The following LRRC37A2 variants were observed in gnomAD, a reference collection of about 807,000 sequenced individuals.
LRRC37A2 encodes leucine rich repeat containing 37 member A2.
A neutral mutation model predicts 68.8 loss-of-function variants in LRRC37A2; 9 were observed. The ratio of observed to expected loss-of-function variants is 0.13; its 90% confidence interval spans 0.08 to 0.23. The LOEUF (loss-of-function observed/expected upper bound fraction) is 0.23, where lower values mean the gene tolerates loss of function less well. Among genes scored for constraint, LRRC37A2 ranks in the 10% least tolerant of loss-of-function variants. The pLI is 1.00. For synonymous variants in LRRC37A2, 63 were observed against 367.6 expected (o/e 0.17, Z 9.48); for missense variants, 168 against 950.4 (o/e 0.18, Z 10.82).
chr17:47,003,018 G>A, the LRRC37A2 span, among the ~76,000 whole-genome samples: 1 of 152,008 alleles, frequency 6.6e-6, no homozygotes. Flanking sequence ...AAGGCAAGTG[G>A]ATCACTTGAG....
chr17:46,622,602 A>T, the LRRC37A2 span, among the ~76,000 whole-genome samples: 1 of 146,064 alleles, frequency 6.8e-6, no homozygotes, highest in African/African-American at 2.6e-5. Context: ...GGGCAACGTG[A>T]TGAAACCCCC....
the LRRC37A2 span, among the ~76,000 whole-genome samples, chr17:46,925,477 A>C: frequency 6.6e-6 from 1 of 152,342 alleles, no homozygotes; most frequent in African/African-American, 2.4e-5. Context: ...CCAGTGCTGA[A>C]CCAGGAGTGG....
the LRRC37A2 span, among the ~76,000 whole-genome samples, chr17:46,866,213 T>C: frequency 6.6e-6 from 1 of 151,996 alleles, no homozygotes; most frequent in Admixed American, 6.6e-5. Flanking sequence ...GAGTTGGTGT[T>C]GAGCAGCCAC....
chr17:46,622,788 A>G, the LRRC37A2 span, among the ~76,000 whole-genome samples: 1 of 150,368 alleles, frequency 6.7e-6, no homozygotes, highest in Admixed American at 6.6e-5. Flanking sequence ...AAAACAACAC[A>G]TAAATAAGAA....
the LRRC37A2 span, chr17:46,941,008 G>T: frequency 4.4e-6 from 5 of 1,125,562 alleles, no homozygotes; most frequent in Non-Finnish European, 5.5e-6. Context: ...ACCCTCTAGT[G>T]GAGGCGGGGG....
chr17:46,900,192 T>TATATACATATATATATATATACATAC, the LRRC37A2 span, among the ~76,000 whole-genome samples: 1 of 97,484 alleles, frequency 1.0e-5, no homozygotes, highest in African/African-American at 5.2e-5. Flanking sequence ...TATATATATA[T>TATATACATATATATATATATACATAC]ATATATATAT....
the LRRC37A2 span, among the ~76,000 whole-genome samples, chr17:46,799,928 A>G: frequency 3.3e-5 from 5 of 152,196 alleles, no homozygotes; most frequent in Middle Eastern, 3.4e-3. Flanking sequence ...CACAGAGCCT[A>G]CCCTCTTTCT....
the LRRC37A2 span, chr17:46,952,660 C>T: frequency 6.6e-6 from 1 of 152,100 alleles, no homozygotes; most frequent in Admixed American, 6.6e-5. Flanking sequence ...GCTTTTATTC[C>T]AGCTATGTGA....
At chr17:46,867,998 G>A in the LRRC37A2 span, among the ~76,000 whole-genome samples, 2 of 152,058 alleles carry the variant, frequency 1.3e-5, no homozygotes, top group African/African-American at 2.4e-5. Flanking sequence ...GGGAGGAGGC[G>A]GCCGCTGTTC....
the LRRC37A2 span, among the ~76,000 whole-genome samples, chr17:46,739,989 T>C: frequency 8.1e-3 from 1,237 of 152,284 alleles, 85 homozygotes; most frequent in East Asian, 0.17. Flanking sequence ...CCTGGCCTGA[T>C]TTTAAAAGAA....
At chr17:46,583,278 T>TTTTATTTATTTATTTA in the LRRC37A2 span, among the ~76,000 whole-genome samples, 2 of 74,666 alleles carry the variant, frequency 2.7e-5, no homozygotes, top group African/African-American at 7.6e-5. Flanking sequence ...GGATTTAAGA[T>TTTTATTTATTTATTTA]TTTATTTATT....
the LRRC37A2 span, among the ~76,000 whole-genome samples, chr17:46,817,294 G>T: frequency 1.3e-5 from 2 of 152,178 alleles, no homozygotes; most frequent in Non-Finnish European, 1.5e-5. Flanking sequence ...GCACCGTGGT[G>T]GCACTTCTTT....
At chr17:46,955,705 C>A in the LRRC37A2 span, 17,371 of 152,312 alleles carry the variant, frequency 0.11, 1,091 homozygotes, top group African/African-American at 0.16. Flanking sequence ...GAAAGCCTTC[C>A]AAACCAGGTC....
At chr17:46,773,864 G>A in the LRRC37A2 span, 1 of 1,612,848 alleles carries the variant, frequency 6.2e-7, no homozygotes, top group Non-Finnish European at 8.5e-7. Context: ...CGCAGAGCAG[G>A]GGCTGTGAGC....
chr17:47,001,846 C>T, the LRRC37A2 span, among the ~76,000 whole-genome samples: 6 of 151,816 alleles, frequency 4.0e-5, no homozygotes, highest in East Asian at 7.7e-4. Context: ...CTCAGCCTCC[C>T]GAGTAGCTGG....
At chr17:46,455,586 ATGTAT>A in the LRRC37A2 span, among the ~76,000 whole-genome samples, 5 of 104,172 alleles carry the variant, frequency 4.8e-5, 1 homozygote, top group African/African-American at 1.0e-4. Context: ...GAGTCATCAA[ATGTAT>A]TGTACTTTTT....
chr17:46,913,181 T>C, the LRRC37A2 span, among the ~76,000 whole-genome samples: 4 of 152,234 alleles, frequency 2.6e-5, no homozygotes, highest in African/African-American at 9.6e-5. Flanking sequence ...AAAAGCCGAC[T>C]TCCAAATAAT....
chr17:46,903,867 G>T, the LRRC37A2 span, among the ~76,000 whole-genome samples: 1 of 151,672 alleles, frequency 6.6e-6, no homozygotes, highest in Non-Finnish European at 1.5e-5. Flanking sequence ...TGGATGTAGG[G>T]ATGAGTGGGT....
the LRRC37A2 span, among the ~76,000 whole-genome samples, chr17:46,843,157 TTAA>T: frequency 6.6e-6 from 1 of 152,218 alleles, no homozygotes; most frequent in Admixed American, 6.5e-5. Flanking sequence ...AGGGTAGATA[TTAA>T]TATCGGAGCT....
Sources: gnomAD v4.1 joint callset for allele counts (sites outside exome capture counted in the v4.1 genomes callset) on GRCh38, gnomAD v4.1.1 for gene constraint, MANE v1.5 for transcripts, NCBI Gene and HGNC (gene_info 2026-07-23, HGNC 2026-07-21) for gene names.